Variants in ABCA1 observed in about 807,000 individuals in gnomAD.
ABCA1 encodes the protein ATP binding cassette subfamily A member 1.
Under a neutral mutation model 262.5 loss-of-function variants are expected in ABCA1, and 133 were observed. The observed-to-expected ratio is 0.51, with a 90% CI of 0.44 to 0.59. ABCA1 has a LOEUF of 0.59. Among genes scored for constraint, ABCA1 ranks in the 20% least tolerant of loss-of-function variants. The pLI is 0.00. For missense variants in ABCA1, 2,452 were observed against 2,777.5 expected (o/e 0.88, Z 2.63); for synonymous variants, 1,022 against 1,043.5 (o/e 0.98, Z 0.40).
At chr9:104,826,432 A>G (rs1832817206) in intron 16 of ABCA1, among the ~76,000 whole-genome samples, 1 of 152,184 alleles carries the variant, frequency 6.6e-6, no homozygotes, top group Non-Finnish European at 1.5e-5. Context: ...GAGGGAAGGA[A>G]GTGTCCAAGT....
At chr9:104,842,100 A>T (rs555962541) in intron 8 of ABCA1, among the ~76,000 whole-genome samples, 223 of 152,296 alleles carry the variant, frequency 1.5e-3, no homozygotes, top group Non-Finnish European at 2.5e-3. Flanking sequence ...GGCGTGGTCC[A>T]GCACTCTCTA....
rs772285736 is a variant in ABCA1, at chr9:104,794,498, T to C, written c.5395A>G (p.Ile1799Val). Residue 1799 changes from isoleucine (I) to valine (V), a missense_variant, in exon 40 of 50, where the codon ATC becomes GTC. By Grantham distance (29) the Ile-to-Val change is conservative. Coordinates refer to ENST00000374736, the MANE Select transcript of ABCA1 (RefSeq NM_005502.4). ...ELFTDNKLNN[I>V]NDILKSVFLI... The stretch of plus-strand genomic sequence containing the variant: ...AACACGGACTTCAGGATATCATTGA[T>C]ATTATTCAGCTTCTAAAAAAAAAAA... The C allele has an allele frequency of 1.9e-5, 30 of 1,580,592 alleles. No homozygotes were observed. The South Asian group carries it at 3.2e-4, about 17-fold the overall frequency.
intron 1 of ABCA1, among the ~76,000 whole-genome samples, chr9:104,918,468 G>A (rs970606932): frequency 2.6e-5 from 4 of 152,126 alleles, no homozygotes; most frequent in Non-Finnish European, 4.4e-5. Context: ...CATTAATGGT[G>A]GCAGATTCTT....
chr9:104,822,692 T>C (rs1016487442), intron 18 of ABCA1, 25 bp from the exon 19 acceptor site: 8 of 1,613,268 alleles, frequency 5.0e-6, no homozygotes, highest in African/African-American at 1.3e-5. Context: ...AAGACAGAAA[T>C]GAACCCACAG....
intron 2 of ABCA1, among the ~76,000 whole-genome samples, chr9:104,896,736 TTTTTTTTTTTTTC>T (rs1435343081): frequency 1.1e-4 from 10 of 95,064 alleles, no homozygotes; most frequent in Admixed American, 2.1e-4. Context: ...TTTTTTTTTT[TTTTTTTTTTTTTC>T]AGACAGAGTT....
At chr9:104,901,825 C>T (rs1476427628) in intron 2 of ABCA1, among the ~76,000 whole-genome samples, 1 of 152,144 alleles carries the variant, frequency 6.6e-6, no homozygotes, top group Non-Finnish European at 1.5e-5. Flanking sequence ...CTGAGTAGCA[C>T]GTTCCCCAGC....
rs111962753 is a variant in ABCA1, at chr9:104,869,626, G to A, written c.422-7826C>T. Among the ~76,000 whole-genome samples the A allele has an allele frequency of 1.0e-2, 1,520 of 152,260 alleles. 25 individuals are homozygous for A. The highest frequency in any genetic ancestry group is 0.035 in the African/African-American group (1,446 of 41,542). Reference sequence around the variant, plus strand: ...GTTGGGTGCTGAGGAGAAGGGGTGAGGCGGGGTGATGCAGCTGCTCCTTCA... The same window carrying A: ...GTTGGGTGCTGAGGAGAAGGGGTGAAGCGGGGTGATGCAGCTGCTCCTTCA... On this transcript the variant is annotated intron_variant, in intron 5 of 49. Coordinates refer to ENST00000374736, the MANE Select transcript of ABCA1 (RefSeq NM_005502.4).
At chr9:104,912,763 A>T (rs987026799) in intron 1 of ABCA1, among the ~76,000 whole-genome samples, 1 of 152,240 alleles carries the variant, frequency 6.6e-6, no homozygotes, top group Non-Finnish European at 1.5e-5. Context: ...TGTAGCACAT[A>T]GAAAAAAAGA....
At chr9:104,806,762 G>A (rs148998447) in intron 30 of ABCA1, among the ~76,000 whole-genome samples, 5 of 152,308 alleles carry the variant, frequency 3.3e-5, no homozygotes, top group Admixed American at 3.3e-4. Flanking sequence ...CTACGTGCCA[G>A]ATGCTGTCCA....
At position 104,817,510 on chromosome 9, in the gene ABCA1, A is replaced by G. The variant is rs1187653645; in HGVS notation, c.3463-106T>C. ...CAAGAAGCTCTGTTGTGTGAGAACT[A>G]AAGGAAAAAGCTTTCCCTGGGACAC... On this transcript the variant is annotated intron_variant, in intron 23 of 49. Transcript: ENST00000374736. This position sits in a 1 kb window ranked among gnomAD's most constrained non-coding sequence, Gnocchi z 4.7. The G allele has an allele frequency of 8.1e-7, 1 of 1,240,804 alleles. No individual in the cohort carries two copies. Among genetic ancestry groups the G allele is most frequent in the Non-Finnish European group, 1.2e-6 (1 of 859,958 alleles). 76.9% of individuals were successfully genotyped at this position (1,240,804 alleles called of 1,614,324 possible).
chr9:104,785,246 G>C (rs892240693), intron 49 of ABCA1, 150 bp downstream of exon 49: 1 of 1,005,228 alleles, frequency 9.9e-7, no homozygotes, highest in Non-Finnish European at 1.5e-6. Context: ...CAGGTTCAGA[G>C]AGGTTTAGTA....
chr9:104,785,621 T>C lies in ABCA1; in HGVS notation c.6420A>G (p.Thr2140=). 1.2e-6 allele frequency: 2 copies of C among 1,614,036 alleles called. No individual in the cohort carries two copies. Among genetic ancestry groups the C allele is most frequent in the Non-Finnish European group, 8.5e-7 (1 of 1,179,982 alleles). The change falls in exon 49 of 50, where the codon ACA becomes ACG. Residue 2140 remains threonine (T), a synonymous_variant. Transcript: ENST00000374736. The stretch of plus-strand genomic sequence containing the variant: ...TGGACCCTGCTATTCGTACAACTAT[T>C]GTATAACCATCTCCAAACCTGAAAG... ...HLKNRFGDGY[T]IVVRIAGSNP...
chr9:104,891,811 C>G (rs1332611776), intron 2 of ABCA1, among the ~76,000 whole-genome samples: 1 of 148,068 alleles, frequency 6.8e-6, no homozygotes, highest in African/African-American at 2.5e-5. Flanking sequence ...ACTAAAAATA[C>G]AAAATTAGCC....
At chr9:104,812,370 T>C (rs1242887184) in intron 28 of ABCA1, among the ~76,000 whole-genome samples, 2 of 152,192 alleles carry the variant, frequency 1.3e-5, no homozygotes, top group Non-Finnish European at 2.9e-5. Context: ...ATTATCCCCA[T>C]TTTACAGATG....
chr9:104,865,480 C>T (rs939669137), intron 5 of ABCA1, among the ~76,000 whole-genome samples: 1 of 144,730 alleles, frequency 6.9e-6, no homozygotes, highest in Non-Finnish European at 1.5e-5. Context: ...GGCACCATTG[C>T]ACTCCAGCCT....
At chr9:104,925,116 C>T (rs746056035) in intron 1 of ABCA1, among the ~76,000 whole-genome samples, 6 of 152,108 alleles carry the variant, frequency 3.9e-5, no homozygotes, top group African/African-American at 2.4e-5. Context: ...CGGTGCCTCA[C>T]GCCTGTAATC....
intron 21 of ABCA1, 48 bp downstream of exon 21, chr9:104,819,879 G>GC (rs1160426871): frequency 1.2e-6 from 2 of 1,609,084 alleles, no homozygotes; most frequent in Non-Finnish European, 1.7e-6. Flanking sequence ...CATGTGTGTA[G>GC]CCGGAGGAGG....
At chr9:104,858,187 T>A (rs978366123) in intron 7 of ABCA1, among the ~76,000 whole-genome samples, 10 of 152,082 alleles carry the variant, frequency 6.6e-5, no homozygotes, top group African/African-American at 1.7e-4. Flanking sequence ...TTTTTTTTTT[T>A]AAATATGAAG....
chr9:104,832,864 G>A (rs1007838282), intron 11 of ABCA1, 93 bp from the exon 12 acceptor site: 17 of 1,203,952 alleles, frequency 1.4e-5, no homozygotes, highest in Admixed American at 1.2e-4. Context: ...ATACACTGTC[G>A]TTGTTTTATC....
Sources: allele counts gnomAD v4.1 joint callset (sites outside exome capture counted in the v4.1 genomes callset), GRCh38; gene constraint gnomAD v4.1.1; non-coding constraint Gnocchi (gnomAD v3.1); transcripts MANE v1.5; gene names NCBI Gene and HGNC (gene_info 2026-07-23, HGNC 2026-07-21).